The following CLNK variants were observed in gnomAD, a reference collection of about 807,000 sequenced individuals.
CLNK encodes cytokine-dependent hematopoietic cell linker.
In CLNK, 74 loss-of-function variants were observed where a neutral mutation model predicts 68.6. That is an observed-to-expected ratio of 1.08 (90% CI 0.89 to 1.31). The LOEUF is 1.31. CLNK is among the 50% of genes most tolerant of loss of function. CLNK has a pLI of 0.00. For synonymous variants in CLNK, 198 were observed against 172.2 expected (o/e 1.15, Z -1.17); for missense variants, 553 against 515.3 (o/e 1.07, Z -0.71).
intron 15 of CLNK, among the ~76,000 whole-genome samples, chr4:10,518,230 A>C (rs1189067657): frequency 3.3e-5 from 5 of 152,146 alleles, no homozygotes; most frequent in Admixed American, 3.3e-4. Context: ...AATTACTAAT[A>C]TTTAAAATTC....
At chr4:10,635,802 G>C (rs1723063122) in intron 2 of CLNK, 1 of 152,220 alleles carries the variant, frequency 6.6e-6, no homozygotes, top group Non-Finnish European at 1.5e-5. Context: ...ATGGCTAGGA[G>C]ATGGCAGGTT....
intron 15 of CLNK, among the ~76,000 whole-genome samples, chr4:10,514,866 G>A (rs1162154954): frequency 6.6e-6 from 1 of 152,036 alleles, no homozygotes. Context: ...CTGACAAAGG[G>A]CTAATATCCA....
chr4:10,526,214 T>G (rs1197211129), intron 13 of CLNK, among the ~76,000 whole-genome samples: 1 of 152,236 alleles, frequency 6.6e-6, no homozygotes, highest in African/African-American at 2.4e-5. Flanking sequence ...TAGGGATTAT[T>G]CTGGACCCGT....
At chr4:10,618,264 G>C (rs892630076) in intron 2 of CLNK, among the ~76,000 whole-genome samples, 3 of 152,132 alleles carry the variant, frequency 2.0e-5, no homozygotes. Flanking sequence ...AAAGAAGCCA[G>C]ACACAAGAAA....
In CLNK at chr4:10,632,201, C is replaced by T. The variant is rs148053918; in HGVS notation, c.12-34152G>A. Among the ~76,000 whole-genome samples the T allele has an allele frequency of 1.9e-3, 290 of 152,352 alleles. 1 individual carries two copies. The highest frequency in any genetic ancestry group is 6.7e-3 in the African/African-American group (280 of 41,584). ...CAGTTGTACAGTACGAGTGTCCAGG[C>T]ATCGTCCTTGACCATCTCATGCCTC... is the stretch of plus-strand genomic sequence containing the variant. On this transcript the variant is annotated intron_variant, in intron 2 of 18. Transcript: ENST00000226951.
chr4:10,637,254 T>C (rs991469742), intron 2 of CLNK, among the ~76,000 whole-genome samples: 1 of 152,122 alleles, frequency 6.6e-6, no homozygotes, highest in African/African-American at 2.4e-5. Flanking sequence ...GGGAGTGTAT[T>C]GTACCCATCA....
chr4:10,671,268 C>T (rs1336781473), intron 1 of CLNK, among the ~76,000 whole-genome samples: 1 of 152,040 alleles, frequency 6.6e-6, no homozygotes. Context: ...CGCCTATAAT[C>T]CCAGCTACTA....
Position 10,684,118 on chromosome 4 carries a change from C to T in CLNK, c.-43+550G>A, listed in dbSNP as rs533912323. 9.2e-5 allele frequency among the ~76,000 whole-genome samples: 14 copies of T among 152,266 alleles called. No individual in the cohort carries two copies. The South Asian group carries it at 2.9e-3, about 32-fold the overall frequency. ...CTTTTCAAGAGTAAGAATTTAACCCCAACTTTAACCTCACTTTTGAGCTCC... is the reference window on the plus strand; with the variant it reads ...CTTTTCAAGAGTAAGAATTTAACCCTAACTTTAACCTCACTTTTGAGCTCC... On this transcript the variant is annotated intron_variant, in intron 1 of 18. Transcript: ENST00000226951.
the CLNK span, among the ~76,000 whole-genome samples, chr4:10,706,927 C>T: frequency 1.3e-5 from 2 of 152,102 alleles, no homozygotes; most frequent in East Asian, 3.8e-4. Context: ...CCTCATCAGA[C>T]CCCCCTCCCT....
At chr4:10,714,912 T>A in the CLNK span, among the ~76,000 whole-genome samples, 1 of 152,178 alleles carries the variant, frequency 6.6e-6, no homozygotes, top group East Asian at 1.9e-4. Flanking sequence ...TTTTCTTTTT[T>A]TATTCAGCAT....
intron 4 of CLNK, among the ~76,000 whole-genome samples, chr4:10,573,775 G>C (rs913852628): frequency 2.0e-5 from 3 of 152,106 alleles, no homozygotes; most frequent in Non-Finnish European, 4.4e-5. Flanking sequence ...AGAGGCGAGC[G>C]TTCCAGCCTG....
rs761839175 is a variant in CLNK, at chr4:10,525,853, A to C, written c.719T>G (p.Leu240Arg). 21 of 1,580,888 alleles carry C rather than the reference A, an allele frequency of 1.3e-5. No individual in the cohort carries two copies. In the Admixed American group the frequency reaches 3.6e-4, roughly 27 times the overall value. ...CCTGGCTCCTTACCTGCTAATGGCAAGTGGAATCTCTTGAGTATTTTGGTT... is the reference window on the plus strand; with the variant it reads ...CCTGGCTCCTTACCTGCTAATGGCACGTGGAATCTCTTGAGTATTTTGGTT... ...LENQNTQEIP[L>R]AISSSSFTTS... Residue 240 changes from leucine to arginine, a missense_variant, in exon 14 of 19, where the codon CTT becomes CGT. Leu to Arg is a moderately radical substitution (Grantham distance 102). Transcript: ENST00000226951.
Position 10,564,656 on chromosome 4 carries a change from C to G in CLNK, c.399+15G>C, listed in dbSNP as rs1379847056. On this transcript the variant is annotated intron_variant, in intron 7 of 18. Coordinates refer to ENST00000226951, the MANE Select transcript of CLNK (RefSeq NM_052964.4). ...CCTACACATGTTTGTGTCACAATGTCCAGTCTTTACTCACTCTTTCCAACC... is the reference window on the plus strand; with the variant it reads ...CCTACACATGTTTGTGTCACAATGTGCAGTCTTTACTCACTCTTTCCAACC... The G allele has an allele frequency of 6.4e-7, 1 of 1,555,668 alleles. No individual in the cohort carries two copies. Among genetic ancestry groups the G allele is most frequent in the Non-Finnish European group, 8.9e-7 (1 of 1,127,012 alleles).
At chr4:10,733,230 C>T in the CLNK span, among the ~76,000 whole-genome samples, 1 of 152,072 alleles carries the variant, frequency 6.6e-6, no homozygotes, top group Non-Finnish European at 1.5e-5. Context: ...CCACTACAGC[C>T]CCCACGTCTG....
rs368333254 is a variant in CLNK, at chr4:10,564,737, C to T, written c.333G>A (p.Pro111=). The T allele has an allele frequency of 3.7e-5, 59 of 1,613,540 alleles. No individual in the cohort carries two copies. The highest frequency in any genetic ancestry group is 1.2e-4 in the African/African-American group (9 of 74,880). Residue 111 remains proline, a synonymous_variant, in exon 7 of 19, where the codon CCG becomes CCA. Coordinates refer to ENST00000226951, the MANE Select transcript of CLNK (RefSeq NM_052964.4). ...YFKVAMDTPL[P]LDTRTSISIG... ...TGGAGATAGAGGTCCTGGTGTCTAA[C>T]GGAAGGGGAGTGTCCATTGCAACCT...
At chr4:10,524,117 G>GGAT (rs1438132800) in intron 14 of CLNK, among the ~76,000 whole-genome samples, 3 of 151,292 alleles carry the variant, frequency 2.0e-5, no homozygotes, top group Non-Finnish European at 3.0e-5. Context: ...AGGAGGAGGA[G>GGAT]GATGATATTG....
chr4:10,490,355 T>C lies in CLNK; in HGVS notation c.*112A>G. ...TCTCTGTTATAGAGTGTTTTTCTTT[T>C]CTCCAAAGTTAAAAAAGTTGTCCCT... is the stretch of plus-strand genomic sequence containing the variant. On this transcript the variant is annotated 3_prime_UTR_variant, in exon 19 of 19. Transcript: ENST00000226951. 8.6e-7 allele frequency: 1 copy of C among 1,168,000 alleles called. No individual in the cohort carries two copies. Among genetic ancestry groups the C allele is most frequent in the Non-Finnish European group, 1.2e-6 (1 of 844,128 alleles). 72.4% of individuals were successfully genotyped at this position (1,168,000 alleles called of 1,614,324 possible).
intron 11 of CLNK, among the ~76,000 whole-genome samples, chr4:10,533,438 C>T (rs966793573): frequency 6.6e-6 from 1 of 152,154 alleles, no homozygotes; most frequent in Non-Finnish European, 1.5e-5. Flanking sequence ...ATTAAGTGTG[C>T]AACACTGATC....
the CLNK span, among the ~76,000 whole-genome samples, chr4:10,711,499 G>A: frequency 6.6e-6 from 1 of 152,180 alleles, no homozygotes; most frequent in Non-Finnish European, 1.5e-5. Context: ...GAGAGTCTTA[G>A]AAACACATAG....
Sources: allele counts gnomAD v4.1 joint callset (sites outside exome capture counted in the v4.1 genomes callset), GRCh38; gene constraint gnomAD v4.1.1; transcripts MANE v1.5; gene names NCBI Gene and HGNC (gene_info 2026-07-23, HGNC 2026-07-21).